PI4KA: variants seen among roughly 807,000 people sequenced by gnomAD.
PI4KA encodes PI4-kinase alpha.
Under a neutral mutation model 271.4 loss-of-function variants are expected in PI4KA, and 122 were observed. The observed-to-expected ratio is 0.45, with a 90% CI of 0.39 to 0.52. The LOEUF (loss-of-function observed/expected upper bound fraction) is 0.52, where lower values mean the gene tolerates loss of function less well. PI4KA is among the 20% of genes least tolerant of loss of function. The pLI is 0.00. For synonymous variants in PI4KA, 1,041 were observed against 1,078.8 expected (o/e 0.96, Z 0.69); for missense variants, 1,969 against 2,769.1 (o/e 0.71, Z 6.48).
chr22:20,732,867 T>A, intron 36 of PI4KA, 104 bp downstream of exon 36: 1 of 1,328,986 alleles, frequency 7.5e-7, no homozygotes, highest in Non-Finnish European at 1.1e-6. Flanking sequence ...CTCAGGGGGG[T>A]CTAACTGCTT....
At chr22:20,806,379 A>G (rs372538256) in intron 10 of PI4KA, among the ~76,000 whole-genome samples, 130 of 151,740 alleles carry the variant, frequency 8.6e-4, no homozygotes, top group African/African-American at 2.8e-3. Flanking sequence ...CTATTAAGCT[A>G]TTGTCTCAGG....
chr22:20,782,230 T>A (rs1223148896), intron 19 of PI4KA, among the ~76,000 whole-genome samples: 1 of 152,152 alleles, frequency 6.6e-6, no homozygotes. Flanking sequence ...AGTACAGCAG[T>A]GAGCCATCCC....
intron 19 of PI4KA, among the ~76,000 whole-genome samples, chr22:20,784,776 C>T (rs1934076132): frequency 6.6e-6 from 1 of 152,096 alleles, no homozygotes; most frequent in South Asian, 2.1e-4. Context: ...GTGTTAAGTA[C>T]TTATTGAGAT....
chr22:20,759,490 G>A (rs1413956587), intron 23 of PI4KA, among the ~76,000 whole-genome samples: 4 of 133,772 alleles, frequency 3.0e-5, no homozygotes, highest in African/African-American at 8.7e-5. Context: ...CTCAACCTCC[G>A]TCTCCCAGGT....
At chr22:20,780,629 AG>A (rs1248805849) in intron 19 of PI4KA, among the ~76,000 whole-genome samples, 1 of 152,034 alleles carries the variant, frequency 6.6e-6, no homozygotes, top group Non-Finnish European at 1.5e-5. Context: ...TACAAAAATT[AG>A]CTGGGCCTGG....
chr22:20,713,946 AC>A (rs1199866443), intron 47 of PI4KA, among the ~76,000 whole-genome samples: 2 of 152,218 alleles, frequency 1.3e-5, no homozygotes, highest in African/African-American at 4.8e-5. Flanking sequence ...GTGGATTAGG[AC>A]AGTCCCTAAT....
At chr22:20,789,571 C>G (rs1934500262) in intron 19 of PI4KA, among the ~76,000 whole-genome samples, 1 of 152,260 alleles carries the variant, frequency 6.6e-6, no homozygotes, top group Admixed American at 6.5e-5. Flanking sequence ...CTCAGGTGAT[C>G]TGCCCACCTT....
chr22:20,805,282 C>T, intron 10 of PI4KA, 117 bp from the exon 11 acceptor site: 1 of 690,802 alleles, frequency 1.4e-6, no homozygotes. Flanking sequence ...GTAGCATTTG[C>T]TACTGGCCAC....
intron 19 of PI4KA, among the ~76,000 whole-genome samples, chr22:20,767,800 A>C (rs949394077): frequency 1.3e-5 from 2 of 151,810 alleles, no homozygotes; most frequent in Non-Finnish European, 2.9e-5. Context: ...ATGCTCAGCT[A>C]ATTTTTGTAT....
chr22:20,827,746 T>C (rs1164701073), intron 3 of PI4KA, among the ~76,000 whole-genome samples: 1 of 152,170 alleles, frequency 6.6e-6, no homozygotes, highest in African/African-American at 2.4e-5. Context: ...TTTGTAATTC[T>C]TGCTATAGAG....
In PI4KA at chr22:20,774,620, G is replaced by A. The variant is rs1933102995; in HGVS notation, c.2329-8927C>T. 3.9e-5 allele frequency among the ~76,000 whole-genome samples: 6 copies of A among 152,094 alleles called. No individual in the cohort carries two copies. In the South Asian group the frequency reaches 1.2e-3, roughly 32 times the overall value. ...TACTAAAAATACAAAAATTAGCTGG[G>A]CGTGGTGGCACGCGCCTGTAATCCC... On this transcript the variant is annotated intron_variant, in intron 19 of 54. Coordinates refer to ENST00000255882, the MANE Select transcript of PI4KA (RefSeq NM_058004.4).
intron 16 of PI4KA, 80 bp downstream of exon 16, chr22:20,799,013 G>C: frequency 8.6e-7 from 1 of 1,161,906 alleles, no homozygotes; most frequent in Non-Finnish European, 1.2e-6. Context: ...TATTTAATCT[G>C]TATTTGTACA....
At chr22:20,787,337 C>G in intron 19 of PI4KA, 2 of 488,172 alleles carry the variant, frequency 4.1e-6, no homozygotes, top group South Asian at 2.1e-5. Flanking sequence ...CCACTCTTCA[C>G]AGCAAACCTG....
intron 23 of PI4KA, among the ~76,000 whole-genome samples, chr22:20,757,009 G>C (rs1427554927): frequency 1.3e-5 from 2 of 152,188 alleles, no homozygotes; most frequent in East Asian, 1.9e-4. Context: ...CTGGTGAACT[G>C]ACTCACAGGA....
At chr22:20,805,787 G>A (rs954125276) in intron 10 of PI4KA, among the ~76,000 whole-genome samples, 2 of 149,480 alleles carry the variant, frequency 1.3e-5, no homozygotes, top group East Asian at 2.0e-4. Flanking sequence ...AGCCAAGATC[G>A]TGCCACTGCA....
Position 20,727,919 on chromosome 22 carries a change from C to G in PI4KA, c.4683-55G>C, listed in dbSNP as rs547116619. Reference sequence around the variant, plus strand: ...TGCCTCGCCAGGGAACCTGCACTCTCCCACCACACTGGAGTGAGGGGAGCC... The same window carrying G: ...TGCCTCGCCAGGGAACCTGCACTCTGCCACCACACTGGAGTGAGGGGAGCC... On this transcript the variant is annotated intron_variant, in intron 39 of 54. Coordinates refer to ENST00000255882, the MANE Select transcript of PI4KA (RefSeq NM_058004.4). 74 of 1,348,286 alleles carry G rather than the reference C, an allele frequency of 5.5e-5. 1 individual carries two copies. The South Asian group carries it at 8.6e-4, about 16-fold the overall frequency. 83.5% of individuals were successfully genotyped at this position (1,348,286 alleles called of 1,614,324 possible).
chr22:20,858,360 G>A (rs1247947508), intron 1 of PI4KA, among the ~76,000 whole-genome samples: 1 of 102,252 alleles, frequency 9.8e-6, no homozygotes, highest in African/African-American at 4.1e-5. Flanking sequence ...TGCAGGCCCC[G>A]CCGACCCTTC....
chr22:20,843,100 A>AC (rs1415689441), intron 1 of PI4KA, among the ~76,000 whole-genome samples: 2 of 151,352 alleles, frequency 1.3e-5, no homozygotes, highest in African/African-American at 4.8e-5. Context: ...TCCGTCTCAA[A>AC]AAAAAAAAAA....
intron 4 of PI4KA, among the ~76,000 whole-genome samples, chr22:20,823,629 G>C (rs140293153): frequency 2.8e-4 from 42 of 152,200 alleles, no homozygotes; most frequent in African/African-American, 9.6e-4. Flanking sequence ...AAAGATAAAA[G>C]CTTCAGCTAC....
Sources: allele counts gnomAD v4.1 joint callset (sites outside exome capture counted in the v4.1 genomes callset), GRCh38; gene constraint gnomAD v4.1.1; transcripts MANE v1.5; gene names NCBI Gene and HGNC (gene_info 2026-07-23, HGNC 2026-07-21).